The following GPR17 variants were observed in gnomAD, a reference collection of about 807,000 sequenced individuals.
GPR17 encodes G protein-coupled receptor 17.
GPR17 carries 4 observed loss-of-function variants against 1.5 expected under a neutral mutation model. That is an observed-to-expected ratio of 2.73 (90% CI 1.35 to 6.25). GPR17 has a LOEUF of 6.25. GPR17 is among the 30% of genes most tolerant of loss of function. GPR17 has a pLI of 0.00. For synonymous variants in GPR17, 209 were observed against 207.6 expected (o/e 1.01, Z -0.06); for missense variants, 463 against 462.1 (o/e 1.00, Z -0.02).
intron 1 of GPR17, chr2:127,648,032 C>T: frequency 1.0e-6 from 1 of 985,834 alleles, no homozygotes; most frequent in South Asian, 4.7e-5. Context: ...CCAAGCATCA[C>T]TCACCCCGCC....
At chr2:127,650,432 C>T in intron 1 of GPR17, 1 of 546,310 alleles carries the variant, frequency 1.8e-6, no homozygotes, top group East Asian at 3.1e-5. Flanking sequence ...CCCGGTCCTC[C>T]CAGCTCTGAG....
rs550583517 is a variant in GPR17, at chr2:127,650,478, G to A, written c.-20-238G>A. 4 of 564,228 alleles carry A rather than the reference G, an allele frequency of 7.1e-6. No homozygotes were observed. The East Asian group carries it at 8.8e-5, about 12-fold the overall frequency. 35.0% of individuals were successfully genotyped at this position (564,228 alleles called of 1,614,324 possible). ...TCTCCTGGGTGGCAGGGGTGCAGCT[G>A]CATAGCGGCGAAATTCCAAGCCCTG... On this transcript the variant is annotated intron_variant, in intron 1 of 1. Coordinates refer to ENST00000486700, the MANE Select transcript of GPR17 (RefSeq NM_001161417.2).
intron 1 of GPR17, chr2:127,648,389 T>G (rs1208075152): frequency 6.0e-6 from 1 of 165,684 alleles, no homozygotes; most frequent in African/African-American, 2.4e-5. Flanking sequence ...GGGCCAGCCC[T>G]CACCCTCCAT....
chr2:127,650,995 G>A lies in GPR17; in HGVS notation c.260G>A (p.Arg87His), dbSNP rs372634768. The A allele has an allele frequency of 3.8e-5, 62 of 1,613,734 alleles. No individual in the cohort carries two copies. Among genetic ancestry groups the A allele is most frequent in the African/African-American group, 8.0e-5 (6 of 75,052 alleles). ...DLSCVLVLPTRLVYHFSGNHW... is the reference protein window; with the variant it reads ...DLSCVLVLPTHLVYHFSGNHW... ...TCGTGCGTGCTGGTCCTGCCCACCC[G>A]CCTGGTCTACCACTTCTCTGGGAAC... The change falls in exon 2 of 2, where the codon CGC becomes CAC. Residue 87 changes from arginine (R) to histidine (H), a missense_variant. Physicochemically the swap from Arg to His is conservative, Grantham distance 29 (BLOSUM62 0). Coordinates refer to ENST00000486700, the MANE Select transcript of GPR17 (RefSeq NM_001161417.2).
chr2:127,650,218 G>A (rs1276311645), intron 1 of GPR17: 2 of 727,640 alleles, frequency 2.7e-6, no homozygotes, highest in Non-Finnish European at 4.6e-6. Flanking sequence ...CTGTGGGCAG[G>A]TGGGTCAGGG....
Position 127,652,045 on chromosome 2 carries a change from A to C in GPR17, c.*290A>C. 5 of 418,286 alleles carry C rather than the reference A, an allele frequency of 1.2e-5. No individual in the cohort carries two copies. The highest frequency in any genetic ancestry group is 8.9e-6 in the Non-Finnish European group (2 of 225,456). 25.9% of individuals were successfully genotyped at this position (418,286 alleles called of 1,614,324 possible). A position where few individuals can be genotyped will look rare whatever the true frequency, so the allele number is the denominator to read the frequency against. ...AGGCCGGAAGAACAACCCCTGAACA[A>C]TGGAGGCCTTTCTTTCCCGCTAGGC... On this transcript the variant is annotated 3_prime_UTR_variant, in exon 2 of 2. Coordinates refer to ENST00000486700, the MANE Select transcript of GPR17 (RefSeq NM_001161417.2).
At chr2:127,649,969 A>G (rs1286760038) in intron 1 of GPR17, 2 of 1,545,572 alleles carry the variant, frequency 1.3e-6, no homozygotes, top group Non-Finnish European at 1.8e-6. Context: ...CCTGATACCC[A>G]GGCACAGGCT....
In GPR17 at chr2:127,648,529, G is replaced by A. The variant is rs147066126; in HGVS notation, c.-20-2187G>A. ...GATGGCTCCAGCCTCCTCCTCGAGG[G>A]GCTGCTGTGTCCATGAACAGTCACC... On this transcript the variant is annotated intron_variant, in intron 1 of 1. Transcript: ENST00000486700. Among the ~76,000 whole-genome samples, 898 of 152,162 alleles carry A rather than the reference G, an allele frequency of 5.9e-3. 7 individuals carry two copies. Among genetic ancestry groups the A allele is most frequent in the Non-Finnish European group, 9.4e-3 (637 of 67,978 alleles).
intron 1 of GPR17, chr2:127,648,189 AAGAAC>A: frequency 1.0e-6 from 1 of 985,428 alleles, no homozygotes; most frequent in Non-Finnish European, 1.2e-6. Flanking sequence ...ACATTGGACT[AAGAAC>A]AGACCCTGTT....
rs761150954 is a variant in GPR17 at position 127,650,830 on chromosome 2, T to A, written c.95T>A (p.Met32Lys). ...QCGQETPLENMLFASFYLLDF... is the reference protein window; with the variant it reads ...QCGQETPLENKLFASFYLLDF... ...GGCCAGGAGACGCCACTGGAGAACA[T>A]GCTGTTCGCCTCCTTCTACCTTCTG... Residue 32 changes from methionine to lysine, a missense_variant, in exon 2 of 2, where the codon ATG becomes AAG. Met to Lys is a moderately conservative substitution (Grantham distance 95). Coordinates refer to ENST00000486700, the MANE Select transcript of GPR17 (RefSeq NM_001161417.2). 6.2e-6 allele frequency: 10 copies of A among 1,613,960 alleles called. No individual in the cohort carries two copies. The highest frequency in any genetic ancestry group is 8.5e-6 in the Non-Finnish European group (10 of 1,179,862).
chr2:127,647,950 A>T lies in GPR17; in HGVS notation c.-21+1706A>T. The T allele has an allele frequency of 1.1e-6, 1 of 894,002 alleles. No individual in the cohort carries two copies. Among genetic ancestry groups the T allele is most frequent in the Non-Finnish European group, 1.3e-6 (1 of 748,436 alleles). The allele number at this position is 894,002 out of a possible 1,614,324, so 55.4% of individuals were successfully genotyped here. ...AAGGGCTGTGTTCCTCCCTCCTTTT[A>T]CCTCTCCTCCACAGCCCCCTTCACA... On this transcript the variant is annotated intron_variant, in intron 1 of 1. Transcript: ENST00000486700. This position sits in a 1 kb window ranked among gnomAD's most constrained non-coding sequence, Gnocchi z 4.3.
In GPR17 at chr2:127,650,951, T is replaced by C; in HGVS notation, c.216T>C (p.His72=). ...SGTPANVFLM[H]LAVADLSCVL... is the part of the protein sequence containing the mutation. Reference sequence around the variant, plus strand: ...CCCCGGCCAACGTGTTCCTGATGCATCTGGCCGTGGCCGACTTGTCGTGCG... The same window carrying C: ...CCCCGGCCAACGTGTTCCTGATGCACCTGGCCGTGGCCGACTTGTCGTGCG... The change falls in exon 2 of 2, where the codon CAT becomes CAC. Residue 72 remains histidine, a synonymous_variant. Transcript: ENST00000486700. 6.2e-7 allele frequency: 1 copy of C among 1,613,964 alleles called. No individual in the cohort carries two copies. The highest frequency in any genetic ancestry group is 8.5e-7 in the Non-Finnish European group (1 of 1,180,050).
rs370252535 is a variant in GPR17 at position 127,651,510 on chromosome 2, G to A, written c.775G>A (p.Val259Met). Residue 259 changes from valine to methionine, a missense_variant, in exon 2 of 2, where the codon GTG becomes ATG. Physicochemically the swap from Val to Met is conservative, Grantham distance 21. Coordinates refer to ENST00000486700, the MANE Select transcript of GPR17 (RefSeq NM_001161417.2). ...CTACCACGTCAACCGCTCCGTCTACGTGCTGCACTACCGCAGCCATGGGGC... is the reference window on the plus strand; with the variant it reads ...CTACCACGTCAACCGCTCCGTCTACATGCTGCACTACCGCAGCCATGGGGC... ...VPYHVNRSVY[V>M]LHYRSHGASC... The A allele has an allele frequency of 2.7e-5, 44 of 1,612,672 alleles. No homozygotes were observed. The highest frequency in any genetic ancestry group is 1.9e-4 in the South Asian group (17 of 91,086).
intron 1 of GPR17, 133 bp from the exon 2 acceptor site, chr2:127,650,583 C>G: frequency 1.5e-6 from 1 of 652,884 alleles, no homozygotes; most frequent in South Asian, 1.9e-5. Context: ...GTCCCCTCAG[C>G]AGCCCCGTGG....
chr2:127,649,157 G>GAGGAAGGAAGGAAGGA (rs1469679192), intron 1 of GPR17, among the ~76,000 whole-genome samples: 1 of 73,860 alleles, frequency 1.4e-5, no homozygotes, highest in African/African-American at 5.3e-5. Flanking sequence ...GTGAGAGAGA[G>GAGGAAGGAAGGAAGGA]AGGAAGGTAG....
intron 1 of GPR17, among the ~76,000 whole-genome samples, chr2:127,649,580 G>A (rs1251483802): frequency 2.6e-5 from 4 of 152,238 alleles, no homozygotes; most frequent in Admixed American, 2.0e-4. Flanking sequence ...TGGCCCCACC[G>A]CCTGCCCACA....
chr2:127,648,560 C>G (rs986213634), intron 1 of GPR17, among the ~76,000 whole-genome samples: 14 of 152,168 alleles, frequency 9.2e-5, no homozygotes, highest in Non-Finnish European at 1.6e-4. Flanking sequence ...TCACCATGCC[C>G]TCTCTGCCCC....
chr2:127,650,510 C>T (rs1026040630), intron 1 of GPR17: 15 of 578,432 alleles, frequency 2.6e-5, no homozygotes, highest in African/African-American at 3.7e-5. Flanking sequence ...CCTGGTTCTG[C>T]GTTTGCCTTG....
At chr2:127,648,114 C>T in intron 1 of GPR17, 1 of 985,556 alleles carries the variant, frequency 1.0e-6, no homozygotes, top group Non-Finnish European at 1.2e-6. Context: ...CCGAGACCAG[C>T]CAGACCAAGT....
Sources: gnomAD v4.1 joint callset for allele counts (sites outside exome capture counted in the v4.1 genomes callset) on GRCh38, gnomAD v4.1.1 for gene constraint, Gnocchi (gnomAD v3.1) non-coding constraint, MANE v1.5 for transcripts, NCBI Gene and HGNC (gene_info 2026-07-23, HGNC 2026-07-21) for gene names.